Variants in SNAP23 observed in about 807,000 individuals in gnomAD.
SNAP23 encodes synaptosome associated protein 23, also known as synaptosomal-associated protein 23.
A neutral mutation model predicts 29.0 loss-of-function variants in SNAP23; 11 were observed. The observed-to-expected ratio is 0.38, with a 90% CI of 0.24 to 0.63. The LOEUF (loss-of-function observed/expected upper bound fraction) is 0.63. Among genes scored for constraint, SNAP23 ranks in the 20% least tolerant of loss-of-function variants. The probability of loss-of-function intolerance (pLI) is 0.58; values close to 1 mark genes in which losing one functional copy is unlikely to be tolerated. For missense variants in SNAP23, 220 were observed against 253.9 expected (o/e 0.87, Z 0.91); for synonymous variants, 60 against 82.9 (o/e 0.72, Z 1.50).
chr15:42,500,780 C>G (rs2057262933), intron 1 of SNAP23, among the ~76,000 whole-genome samples: 1 of 151,994 alleles, frequency 6.6e-6, no homozygotes, highest in Non-Finnish European at 1.5e-5. Context: ...GATTATGGAG[C>G]CAGGAAACAA....
chr15:42,491,878 A>AGCC, upstream of SNAP23, among the ~76,000 whole-genome samples: 1 of 134,156 alleles, frequency 7.5e-6, no homozygotes, highest in East Asian at 2.0e-4. Flanking sequence ...CACCGCGCCC[A>AGCC]GCCTACATTT....
chr15:42,514,235 C>T (rs1250050677), intron 4 of SNAP23, among the ~76,000 whole-genome samples: 2 of 151,198 alleles, frequency 1.3e-5, no homozygotes, highest in East Asian at 2.0e-4. Context: ...CTACCTCCCA[C>T]GTTCAAGTGA....
At chr15:42,517,870 C>T (rs1161883240) in intron 5 of SNAP23, among the ~76,000 whole-genome samples, 2 of 152,096 alleles carry the variant, frequency 1.3e-5, no homozygotes, top group African/African-American at 4.8e-5. Context: ...GCCACCATGC[C>T]CAGCTAATTT....
chr15:42,506,126 A>T (rs2057315282), intron 1 of SNAP23, among the ~76,000 whole-genome samples: 1 of 146,202 alleles, frequency 6.8e-6, no homozygotes, highest in Admixed American at 6.8e-5. Flanking sequence ...TTGTATTTTT[A>T]GTAGAGATGG....
chr15:42,500,327 T>C (rs1414670664), intron 1 of SNAP23, among the ~76,000 whole-genome samples: 1 of 152,112 alleles, frequency 6.6e-6, no homozygotes, highest in Admixed American at 6.6e-5. Context: ...ATTACTATAT[T>C]TTGTTTCCAG....
At chr15:42,529,540 G>C (rs1308805082) in intron 6 of SNAP23, 135 bp from the exon 7 acceptor site, 1 of 816,170 alleles carries the variant, frequency 1.2e-6, no homozygotes, top group African/African-American at 1.7e-5. Context: ...ATGTTTCCCA[G>C]GAATGGTAAC....
chr15:42,508,759 A>G lies in SNAP23; in HGVS notation c.-14-3074A>G, dbSNP rs545855094. 7.2e-5 allele frequency among the ~76,000 whole-genome samples: 11 copies of G among 152,104 alleles called. No homozygotes were observed. The East Asian group carries it at 2.1e-3, about 29-fold the overall frequency. Reference sequence around the variant, plus strand: ...TTTTTTTCCTAGGAAGCTAGCAAAGACTGACTTGTAATTGGCAATAATCAC... The same window carrying G: ...TTTTTTTCCTAGGAAGCTAGCAAAGGCTGACTTGTAATTGGCAATAATCAC... On this transcript the variant is annotated intron_variant, in intron 1 of 7. Transcript: ENST00000249647.
chr15:42,513,589 A>G (rs2057375211), intron 4 of SNAP23, 142 bp downstream of exon 4: 1 of 694,610 alleles, frequency 1.4e-6, no homozygotes. Context: ...TTGTCTTCTG[A>G]TTTGAATTAT....
chr15:42,526,723 AG>A (rs2057506258), intron 5 of SNAP23, among the ~76,000 whole-genome samples: 1 of 152,234 alleles, frequency 6.6e-6, no homozygotes, highest in Non-Finnish European at 1.5e-5. Context: ...ATTGAATGAA[AG>A]CTTGACTTTA....
At chr15:42,526,995 A>G (rs915474679) in intron 5 of SNAP23, among the ~76,000 whole-genome samples, 2 of 152,076 alleles carry the variant, frequency 1.3e-5, no homozygotes, top group Middle Eastern at 3.4e-3. Flanking sequence ...GTGGTGCCAC[A>G]CCCAGCTAAT....
Position 42,497,170 on chromosome 15 carries a change from T to C in SNAP23, c.-15+1457T>C, listed in dbSNP as rs371288009. 4.7e-5 allele frequency among the ~76,000 whole-genome samples: 7 copies of C among 150,410 alleles called. No homozygotes were observed. In the East Asian group the frequency reaches 9.8e-4, roughly 21 times the overall value. On this transcript the variant is annotated intron_variant, in intron 1 of 7. Transcript: ENST00000249647. ...CTCCTCCCTCACACTCCTGAGTAGC[T>C]GAGACTACAAATGTGTGCCACCAAA...
intron 1 of SNAP23, among the ~76,000 whole-genome samples, chr15:42,509,645 G>T (rs1197473820): frequency 6.6e-6 from 1 of 151,976 alleles, no homozygotes; most frequent in Non-Finnish European, 1.5e-5. Context: ...TCACCATGTC[G>T]ATCAAGCTGG....
At chr15:42,496,264 C>T (rs1475937941) in intron 1 of SNAP23, among the ~76,000 whole-genome samples, 7 of 151,960 alleles carry the variant, frequency 4.6e-5, no homozygotes, top group Non-Finnish European at 1.0e-4. Context: ...TTTAATCAGT[C>T]ACCACAATGT....
At chr15:42,502,168 C>T (rs1200459195) in intron 1 of SNAP23, among the ~76,000 whole-genome samples, 1 of 151,738 alleles carries the variant, frequency 6.6e-6, no homozygotes, top group Non-Finnish European at 1.5e-5. Context: ...GCTGGGACTA[C>T]AGGCGCCCAC....
At chr15:42,525,117 C>T (rs1053303357) in intron 5 of SNAP23, among the ~76,000 whole-genome samples, 13 of 152,036 alleles carry the variant, frequency 8.6e-5, no homozygotes, top group Non-Finnish European at 1.5e-4. Flanking sequence ...TCTGTAATCC[C>T]AGCACTTTGG....
intron 1 of SNAP23, among the ~76,000 whole-genome samples, chr15:42,509,724 C>T (rs143055840): frequency 6.6e-6 from 1 of 152,280 alleles, no homozygotes; most frequent in African/African-American, 2.4e-5. Context: ...AGGCGTGAGC[C>T]ACTGCGCCTG....
At position 42,519,019 on chromosome 15, in the gene SNAP23, T is replaced by G. The variant is rs956559620; in HGVS notation, c.266+3665T>G. Reference sequence around the variant, plus strand: ...CTGGGACTACAGGTGCATGTCACCATGCCTGGTTTGTTTTTAAAAACTTTT... The same window carrying G: ...CTGGGACTACAGGTGCATGTCACCAGGCCTGGTTTGTTTTTAAAAACTTTT... On this transcript the variant is annotated intron_variant, in intron 5 of 7. Coordinates refer to ENST00000249647, the MANE Select transcript of SNAP23 (RefSeq NM_003825.4). Among the ~76,000 whole-genome samples, 4 of 151,668 alleles carry G rather than the reference T, an allele frequency of 2.6e-5. No individual in the cohort carries two copies. The East Asian group carries it at 7.8e-4, about 30-fold the overall frequency.
At chr15:42,516,818 T>C (rs900343224) in intron 5 of SNAP23, among the ~76,000 whole-genome samples, 7 of 152,260 alleles carry the variant, frequency 4.6e-5, no homozygotes, top group African/African-American at 7.2e-5. Flanking sequence ...GTGTTTGTTT[T>C]GGCCATGAGG....
At chr15:42,526,437 A>G (rs1358072054) in intron 5 of SNAP23, among the ~76,000 whole-genome samples, 1 of 152,208 alleles carries the variant, frequency 6.6e-6, no homozygotes, top group East Asian at 1.9e-4. Context: ...AGTGTTCATA[A>G]ATTTGCCTTT....
Sources: gnomAD v4.1 joint callset for allele counts (sites outside exome capture counted in the v4.1 genomes callset) on GRCh38, gnomAD v4.1.1 for gene constraint, MANE v1.5 for transcripts, NCBI Gene and HGNC (gene_info 2026-07-23, HGNC 2026-07-21) for gene names.